The following KRABD4 variants were observed in gnomAD, a reference collection of about 807,000 sequenced individuals.
The protein encoded by KRABD4 is KRAB domain-containing protein 4.
the KRABD4 span, among the ~76,000 whole-genome samples, chrX:46,463,893 G>T: frequency 9.1e-6 from 1 of 110,390 alleles, no homozygotes; most frequent in Non-Finnish European, 1.9e-5. Context: ...CTTTCACTTT[G>T]TGGTTAACAC....
chrX:46,463,130 G>A, the KRABD4 span: 44 of 1,105,979 alleles, frequency 4.0e-5, no homozygotes, highest in Non-Finnish European at 5.3e-5. Flanking sequence ...TCAGCCTGCA[G>A]GGGTGGGCCT....
chrX:46,470,116 A>G, the KRABD4 span, among the ~76,000 whole-genome samples: 4 of 110,869 alleles, frequency 3.6e-5, no homozygotes, highest in African/African-American at 1.3e-4. Flanking sequence ...ATATTTGACT[A>G]TTTTTTAAAT....
chrX:46,456,090 C>T, the KRABD4 span: 1 of 339,533 alleles, frequency 2.9e-6, no homozygotes. Flanking sequence ...AAAGGCACGA[C>T]ACAGATATAG....
At chrX:46,463,321 G>A in the KRABD4 span, 52 of 1,195,737 alleles carry the variant, frequency 4.3e-5, no homozygotes, top group East Asian at 1.5e-4. Context: ...GAGTCAGGCC[G>A]GGGAAAGGAG....
At chrX:46,452,986 A>G in the KRABD4 span, among the ~76,000 whole-genome samples, 1 of 111,708 alleles carries the variant, frequency 9.0e-6, no homozygotes, top group Admixed American at 9.5e-5. Flanking sequence ...TCAAATATTT[A>G]TTCTAGTCAT....
At chrX:46,460,762 C>G in the KRABD4 span, among the ~76,000 whole-genome samples, 3 of 108,296 alleles carry the variant, frequency 2.8e-5, no homozygotes, top group Non-Finnish European at 3.8e-5. Flanking sequence ...GCTGGGATCA[C>G]AGGAGCCAGC....
At chrX:46,452,211 T>C in the KRABD4 span, among the ~76,000 whole-genome samples, 1,115 of 111,404 alleles carry the variant, frequency 0.01, 14 homozygotes, top group African/African-American at 0.034. Context: ...ACTCGTTTTC[T>C]CCTGCATGTG....
chrX:46,457,131 C>T, the KRABD4 span: 11 of 366,267 alleles, frequency 3.0e-5, no homozygotes, highest in South Asian at 1.0e-4. Flanking sequence ...CTGTGTGTCC[C>T]GGATCCTGTA....
At chrX:46,474,179 C>T in the KRABD4 span, 5 of 111,580 alleles carry the variant, frequency 4.5e-5, no homozygotes, top group South Asian at 1.9e-3. Context: ...GGTTAAAGTT[C>T]TTGACTTAAT....
At chrX:46,460,405 G>A in the KRABD4 span, among the ~76,000 whole-genome samples, 1 of 95,142 alleles carries the variant, frequency 1.1e-5, no homozygotes, top group East Asian at 3.2e-4. Context: ...CAACAAGAGC[G>A]AAACTCAGTC....
the KRABD4 span, among the ~76,000 whole-genome samples, chrX:46,454,786 G>A: frequency 3.6e-5 from 4 of 111,875 alleles, no homozygotes; most frequent in Admixed American, 9.4e-5. Flanking sequence ...GTGACAGAGC[G>A]AGATTCTGTC....
At chrX:46,454,293 G>T in the KRABD4 span, 737 of 131,554 alleles carry the variant, frequency 5.6e-3, 9 homozygotes, top group African/African-American at 0.022. Context: ...AGATGGAGGG[G>T]TAGTGGCCAG....
chrX:46,471,219 A>C, the KRABD4 span: 4 of 1,136,438 alleles, frequency 3.5e-6, no homozygotes, highest in Non-Finnish European at 4.7e-6. Context: ...ATTTCTTCTC[A>C]AAGAATTGAC....
the KRABD4 span, chrX:46,472,972 T>C: frequency 8.3e-6 from 10 of 1,211,554 alleles, no homozygotes; most frequent in Non-Finnish European, 1.1e-5. Context: ...TCATTTAAAC[T>C]TTCTTGGTCA....
At chrX:46,450,568 T>G in the KRABD4 span, 2 of 806,148 alleles carry the variant, frequency 2.5e-6, no homozygotes, top group South Asian at 2.4e-5. Context: ...AATTATCCCC[T>G]CTTCTCTGGC....
chrX:46,462,651 C>T, the KRABD4 span: 2 of 1,198,592 alleles, frequency 1.7e-6, no homozygotes, highest in Admixed American at 4.4e-5. Context: ...CAAGTTTCTC[C>T]TAGAGGGCAC....
the KRABD4 span, among the ~76,000 whole-genome samples, chrX:46,466,234 T>C: frequency 8.3e-3 from 929 of 112,329 alleles, 10 homozygotes; most frequent in African/African-American, 0.029. Flanking sequence ...TTTATTGATT[T>C]CTCCTTTTAC....
the KRABD4 span, chrX:46,450,328 T>C: frequency 1.3e-5 from 6 of 453,859 alleles, no homozygotes; most frequent in African/African-American, 9.8e-5. Context: ...GTCATGTTTT[T>C]AGATCACTCT....
At chrX:46,449,102 A>C in the KRABD4 span, among the ~76,000 whole-genome samples, 1 of 112,447 alleles carries the variant, frequency 8.9e-6, no homozygotes, top group Non-Finnish European at 1.9e-5. Flanking sequence ...TCTGCACAGA[A>C]GCTCCTTGCT....
Sources: gnomAD v4.1 joint callset for allele counts (sites outside exome capture counted in the v4.1 genomes callset) on GRCh38, gnomAD v4.1.1 for gene constraint, MANE v1.5 for transcripts, NCBI Gene and HGNC (gene_info 2026-07-23, HGNC 2026-07-21) for gene names.